IMPDH1: variants seen among roughly 807,000 people sequenced by gnomAD.
IMPDH1 encodes inosine-5'-monophosphate dehydrogenase 1.
In IMPDH1, 41 loss-of-function variants were observed where a neutral mutation model predicts 73.5. The ratio of observed to expected loss-of-function variants is 0.56; its 90% CI spans 0.43 to 0.72. IMPDH1 has a LOEUF of 0.72. Among genes scored for constraint, IMPDH1 ranks in the 30% least tolerant of loss-of-function variants. The pLI is 0.00. For missense variants in IMPDH1, 645 were observed against 824.8 expected, an observed-to-expected ratio of 0.78 and a Z score of 2.67; for synonymous variants, 318 against 334.3, an observed-to-expected ratio of 0.95 and a Z score of 0.53.
rs773721981 is a variant in IMPDH1, at chr7:128,401,136, C to T, written c.403-20G>A. The T allele has an allele frequency of 1.4e-5, 22 of 1,589,106 alleles. No homozygotes were observed. The highest frequency in any genetic ancestry group is 1.7e-5 in the Admixed American group (1 of 59,964). On this transcript the variant is annotated intron_variant, in intron 5 of 16. Transcript: ENST00000338791. ...CAGGTCCTGAGGATGGAGGCACAGC[C>T]CACGTAAAGAGTTTATCACCCACTG... is the stretch of plus-strand genomic sequence containing the variant.
chr7:128,409,936 G>GA lies in IMPDH1; in HGVS notation c.-36dup. On this transcript the variant is annotated 5_prime_UTR_variant, in exon 1 of 17. Coordinates refer to ENST00000338791, the MANE Select transcript of IMPDH1 (RefSeq NM_000883.4). Reference sequence around the variant, plus strand: ...GCAGCTCAGGGCGGGCGGGAGCCTGGAGGCTCCCGGGGCCCCGGCTGGGCA... The same window carrying GA: ...GCAGCTCAGGGCGGGCGGGAGCCTGGAAGGCTCCCGGGGCCCCGGCTGGGCA... The GA allele has an allele frequency of 7.5e-7, 1 of 1,330,394 alleles. No individual in the cohort carries two copies. Among genetic ancestry groups the GA allele is most frequent in the Non-Finnish European group, 9.6e-7 (1 of 1,046,008 alleles). The allele number at this position is 1,330,394 out of a possible 1,614,324, so 82.4% of individuals were successfully genotyped here. A position where few individuals can be genotyped will look rare whatever the true frequency, so the allele number is the denominator to read the frequency against.
chr7:128,406,395 T>G lies in IMPDH1; in HGVS notation c.255-530A>C, dbSNP rs72624944. On this transcript the variant is annotated intron_variant, in intron 3 of 16. Coordinates refer to ENST00000338791, the MANE Select transcript of IMPDH1 (RefSeq NM_000883.4). Reference sequence around the variant, plus strand: ...GGCACCTCTAACACGGTTCTGCCGTTCCCCAATCCCCAATACTCTTCCGCG... The same window carrying G: ...GGCACCTCTAACACGGTTCTGCCGTGCCCCAATCCCCAATACTCTTCCGCG... Among the ~76,000 whole-genome samples, 523 of 147,134 alleles carry G rather than the reference T, an allele frequency of 3.6e-3. 2 individuals are homozygous for G. The highest frequency in any genetic ancestry group is 0.012 in the African/African-American group (497 of 39,810).
rs535940596 is a variant in IMPDH1 at position 128,399,649 on chromosome 7, T to C, written c.874+446A>G. Among the ~76,000 whole-genome samples, 5 of 152,064 alleles carry C rather than the reference T, an allele frequency of 3.3e-5. No individual in the cohort carries two copies. In the East Asian group the frequency reaches 9.7e-4, roughly 29 times the overall value. ...TTGCAGTGAGCTGACATTGCGCCAC[T>C]GTACTCCAGCCTGGGTGAGAAAGTG... On this transcript the variant is annotated intron_variant, in intron 9 of 16. Coordinates refer to ENST00000338791, the MANE Select transcript of IMPDH1 (RefSeq NM_000883.4).
At position 128,396,874 on chromosome 7, in the gene IMPDH1, A is replaced by C; in HGVS notation, c.1165+58T>G. 7.5e-7 allele frequency: 1 copy of C among 1,331,462 alleles called. No homozygotes were observed. The allele number at this position is 1,331,462 out of a possible 1,614,324, so 82.5% of individuals were successfully genotyped here. ...TCACCTAGGGATGCTGAAGGACAGA[A>C]AAGGGTTACTCATTGGAGGGGCAGG... is the stretch of plus-strand genomic sequence containing the variant. On this transcript the variant is annotated intron_variant, in intron 11 of 16. Transcript: ENST00000338791. This position sits in a 1 kb window ranked among gnomAD's most constrained non-coding sequence, Gnocchi z 4.0.
At position 128,398,101 on chromosome 7, in the gene IMPDH1, T is replaced by C. The variant is rs940854154; in HGVS notation, c.1074+313A>G. Among the ~76,000 whole-genome samples the C allele has an allele frequency of 6.6e-6, 1 of 152,254 alleles. No individual in the cohort carries two copies. Among genetic ancestry groups the C allele is most frequent in the East Asian group, 1.9e-4 (1 of 5,206 alleles). The stretch of plus-strand genomic sequence containing the variant: ...TTATGGCTGTGCCACTGGAGAATTT[T>C]AACTTGTTTGTTTTCTTTCTTTGTA... On this transcript the variant is annotated intron_variant, in intron 10 of 16. Coordinates refer to ENST00000338791, the MANE Select transcript of IMPDH1 (RefSeq NM_000883.4). This position sits in a 1 kb window ranked among gnomAD's most constrained non-coding sequence, Gnocchi z 4.3.
chr7:128,402,779 A>G (rs1042543526), intron 5 of IMPDH1, among the ~76,000 whole-genome samples: 8 of 152,120 alleles, frequency 5.3e-5, no homozygotes, highest in African/African-American at 1.9e-4. Context: ...GACTTACACC[A>G]TCATCACTAC....
chr7:128,409,583 C>T, intron 1 of IMPDH1, 99 bp from the exon 2 acceptor site: 1 of 1,536,672 alleles, frequency 6.5e-7, no homozygotes, highest in Non-Finnish European at 9.0e-7. Context: ...TCTGCATCCC[C>T]CAACCAAAGC....
intron 9 of IMPDH1, among the ~76,000 whole-genome samples, chr7:128,399,763 C>T (rs10954183): frequency 0.35 from 52,673 of 151,736 alleles, 9,128 homozygotes; most frequent in East Asian, 0.36. Flanking sequence ...AATTTAACTG[C>T]AGGACTTCTG....
intron 16 of IMPDH1, 136 bp from the exon 17 acceptor site, chr7:128,393,164 C>T: frequency 1.0e-6 from 1 of 969,412 alleles, no homozygotes; most frequent in South Asian, 1.3e-5. Context: ...CCGTACGGCG[C>T]AGGAGGAGGG....
In IMPDH1 at chr7:128,396,984, C is replaced by A; in HGVS notation, c.1113G>T (p.Met371Ile). 6.2e-7 allele frequency: 1 copy of A among 1,614,084 alleles called. No homozygotes were observed. The highest frequency in any genetic ancestry group is 1.7e-5 in the Admixed American group (1 of 60,018). Residue 371 changes from methionine (M) to isoleucine (I), a missense_variant, in exon 11 of 17, where the codon ATG (methionine) becomes ATT (isoleucine). Coordinates refer to ENST00000338791, the MANE Select transcript of IMPDH1 (RefSeq NM_000883.4). This position sits in a 1 kb window ranked among gnomAD's most constrained non-coding sequence, Gnocchi z 4.0. The part of the protein sequence containing the change: ...SQGNSVYQIA[M>I]VHYIKQKYPH... ...GGTACTTCTGTTTGATGTAATGCAC[C>A]ATGGCGATCTGATACACCGAATTCC...
chr7:128,393,037 A>G lies in IMPDH1; in HGVS notation c.1779-9T>C, dbSNP rs1797640256. ...ACAGCCGCTTTTCGTAACTGTGGGGACAAGGCAAGAGGGGGAACAAGAGTG... is the reference window on the plus strand; with the variant it reads ...ACAGCCGCTTTTCGTAACTGTGGGGGCAAGGCAAGAGGGGGAACAAGAGTG... On this transcript the variant is annotated splice_polypyrimidine_tract_variant and intron_variant, in intron 16 of 16. Coordinates refer to ENST00000338791, the MANE Select transcript of IMPDH1 (RefSeq NM_000883.4). 1 of 1,613,410 alleles carries G rather than the reference A, an allele frequency of 6.2e-7. No individual in the cohort carries two copies. The highest frequency in any genetic ancestry group is 1.1e-5 in the South Asian group (1 of 91,066).
At chr7:128,399,092 G>A (rs554100167) in intron 9 of IMPDH1, among the ~76,000 whole-genome samples, 3 of 152,286 alleles carry the variant, frequency 2.0e-5, no homozygotes, top group Admixed American at 1.3e-4. Context: ...AAAGTTGGCC[G>A]GGTGTGGTGG....
chr7:128,397,934 T>C (rs760157017), intron 10 of IMPDH1, among the ~76,000 whole-genome samples: 1 of 152,166 alleles, frequency 6.6e-6, no homozygotes, highest in Non-Finnish European at 1.5e-5. Flanking sequence ...TCCATCTTTA[T>C]GAACATGTGT....
Position 128,396,494 on chromosome 7 carries a change from T to C in IMPDH1, c.1261+106A>G. ...CCCATGCCTGGGTCACCCCGGAGCCTACCATGGCAGAACAGGGCCTGGCAG... is the reference window on the plus strand; with the variant it reads ...CCCATGCCTGGGTCACCCCGGAGCCCACCATGGCAGAACAGGGCCTGGCAG... On this transcript the variant is annotated intron_variant, in intron 12 of 16. Coordinates refer to ENST00000338791, the MANE Select transcript of IMPDH1 (RefSeq NM_000883.4). The surrounding 1 kb of genome is among the most constrained non-coding windows in gnomAD (Gnocchi z 4.0). The C allele has an allele frequency of 2.1e-6, 2 of 950,044 alleles. No homozygotes were observed. 58.9% of individuals were successfully genotyped at this position (950,044 alleles called of 1,614,324 possible).
chr7:128,409,616 G>A lies in IMPDH1; in HGVS notation c.147-132C>T, dbSNP rs569077346. 309 of 1,518,768 alleles carry A rather than the reference G, an allele frequency of 2.0e-4. 3 individuals carry two copies. The African/African-American group carries it at 3.8e-3, about 18-fold the overall frequency. 94.1% of individuals were successfully genotyped at this position (1,518,768 alleles called of 1,614,324 possible). A position where few individuals can be genotyped will look rare whatever the true frequency, so the allele number is the denominator to read the frequency against. On this transcript the variant is annotated intron_variant, in intron 1 of 16. Transcript: ENST00000338791. ...AGCCGGGAGCGTGGCGTTTCGGGAA[G>A]TTAGAGGCTGAGGCGGTAATAGGGG...
Position 128,401,042 on chromosome 7 carries a change from T to C in IMPDH1, c.477A>G (p.Thr159=). 1 of 1,614,126 alleles carries C rather than the reference T, an allele frequency of 6.2e-7. No individual in the cohort carries two copies. Among genetic ancestry groups the C allele is most frequent in the Non-Finnish European group, 8.5e-7 (1 of 1,179,970 alleles). The change falls in exon 6 of 17, where the codon ACA becomes ACG. Residue 159 remains threonine, a synonymous_variant. Transcript: ENST00000338791. Reference sequence around the variant, plus strand: ...CCATGGCAATGGCCATGTCAGCCTCTGTCACAGTGTCCATGGGGGAGGAGA... The same window carrying C: ...CCATGGCAATGGCCATGTCAGCCTCCGTCACAGTGTCCATGGGGGAGGAGA... ...PLISSPMDTV[T]EADMAIAMAL...
chr7:128,408,139 T>C (rs1209637249), intron 3 of IMPDH1, among the ~76,000 whole-genome samples: 1 of 152,094 alleles, frequency 6.6e-6, no homozygotes, highest in African/African-American at 2.4e-5. Context: ...AGGGCTGTTG[T>C]TCCCTGAGAC....
intron 3 of IMPDH1, among the ~76,000 whole-genome samples, chr7:128,406,421 G>T (rs1207650909): frequency 6.6e-6 from 1 of 150,746 alleles, no homozygotes; most frequent in Non-Finnish European, 1.5e-5. Flanking sequence ...CTCTTCCGCG[G>T]ACCCTGATCA....
intron 7 of IMPDH1, 81 bp from the exon 8 acceptor site, chr7:128,400,620 C>T: frequency 7.1e-7 from 1 of 1,412,888 alleles, no homozygotes; most frequent in Non-Finnish European, 9.9e-7. Context: ...ACAGAGGATG[C>T]AGCTGTGCTG....
Sources: allele counts gnomAD v4.1 joint callset (sites outside exome capture counted in the v4.1 genomes callset), GRCh38; gene constraint gnomAD v4.1.1; non-coding constraint Gnocchi (gnomAD v3.1); transcripts MANE v1.5; gene names NCBI Gene and HGNC (gene_info 2026-07-23, HGNC 2026-07-21).